PTPRD: variants seen among roughly 807,000 people sequenced by gnomAD.
The protein encoded by PTPRD is receptor-type tyrosine-protein phosphatase delta.
In PTPRD, 34 loss-of-function variants were observed where a neutral mutation model predicts 214.5. The observed-to-expected ratio is 0.16, with a 90% CI of 0.12 to 0.21. The LOEUF is 0.21. Among genes scored for constraint, PTPRD ranks in the 10% least tolerant of loss-of-function variants. PTPRD has a pLI of 1.00. For synonymous variants in PTPRD, 1,128 were observed against 845.7 expected, an observed-to-expected ratio of 1.33 and a Z score of -5.79; for missense variants, 2,545 against 2,398.7, an observed-to-expected ratio of 1.06 and a Z score of -1.27.
intron 12 of PTPRD, among the ~76,000 whole-genome samples, chr9:8,698,772 T>C (rs757882383): frequency 3.9e-5 from 6 of 152,174 alleles, no homozygotes; most frequent in Non-Finnish European, 8.8e-5. Flanking sequence ...ACTAGATAGC[T>C]TGTTACCAAT....
At chr9:10,067,425 T>C (rs192468743) in intron 3 of PTPRD, among the ~76,000 whole-genome samples, 1 of 151,916 alleles carries the variant, frequency 6.6e-6, no homozygotes. Flanking sequence ...TCCAATGTTA[T>C]ACATCTTTCA....
At chr9:8,762,789 T>C (rs1256067307) in intron 11 of PTPRD, among the ~76,000 whole-genome samples, 1 of 152,190 alleles carries the variant, frequency 6.6e-6, no homozygotes, top group Non-Finnish European at 1.5e-5. Flanking sequence ...ATTTTTATGA[T>C]ACTCAGAGAT....
chr9:10,432,330 A>G (rs372337355), intron 2 of PTPRD, among the ~76,000 whole-genome samples: 5 of 150,538 alleles, frequency 3.3e-5, no homozygotes, highest in African/African-American at 1.2e-4. Flanking sequence ...AGATATACCT[A>G]ATGCTAGATG....
At chr9:10,586,568 TAGTA>T (rs1475742263) in intron 2 of PTPRD, among the ~76,000 whole-genome samples, 1 of 152,220 alleles carries the variant, frequency 6.6e-6, no homozygotes, top group East Asian at 1.9e-4. Flanking sequence ...ATGACAACGA[TAGTA>T]AGAATCTAAA....
chr9:9,614,746 A>T (rs2094749190), intron 7 of PTPRD, among the ~76,000 whole-genome samples: 1 of 152,154 alleles, frequency 6.6e-6, no homozygotes, highest in African/African-American at 2.4e-5. Flanking sequence ...ATATATGCCA[A>T]TTTTTCATAT....
intron 2 of PTPRD, among the ~76,000 whole-genome samples, chr9:10,389,344 T>G (rs1176607284): frequency 6.6e-6 from 1 of 151,848 alleles, no homozygotes; most frequent in Non-Finnish European, 1.5e-5. Flanking sequence ...TTTTGGAAAT[T>G]AGATGATTTC....
At chr9:10,315,805 G>T (rs2096406284) in intron 3 of PTPRD, among the ~76,000 whole-genome samples, 1 of 151,924 alleles carries the variant, frequency 6.6e-6, no homozygotes, top group Non-Finnish European at 1.5e-5. Context: ...TTGCACTCAA[G>T]CTGGTTGATC....
At chr9:10,309,908 G>A (rs1402755974) in intron 3 of PTPRD, among the ~76,000 whole-genome samples, 1 of 151,916 alleles carries the variant, frequency 6.6e-6, no homozygotes, top group Non-Finnish European at 1.5e-5. Flanking sequence ...TTATCACTTG[G>A]TATCACTGAT....
At chr9:10,363,923 T>A (rs2097447820) in intron 2 of PTPRD, among the ~76,000 whole-genome samples, 1 of 151,434 alleles carries the variant, frequency 6.6e-6, no homozygotes, top group African/African-American at 2.4e-5. Flanking sequence ...ATTATAGGAA[T>A]TTTTTTTGCT....
intron 11 of PTPRD, among the ~76,000 whole-genome samples, chr9:8,892,569 G>GTA (rs1018832664): frequency 3.4e-5 from 5 of 148,700 alleles, no homozygotes; most frequent in Admixed American, 1.4e-4. Context: ...ATATATGTGT[G>GTA]TATATATATG....
intron 4 of PTPRD, among the ~76,000 whole-genome samples, chr9:9,973,744 G>T (rs965046985): frequency 2.6e-5 from 4 of 152,034 alleles, no homozygotes; most frequent in African/African-American, 9.7e-5. Flanking sequence ...ATATTGGTGT[G>T]AAAACATGTT....
intron 30 of PTPRD, among the ~76,000 whole-genome samples, chr9:8,476,459 T>C (rs13286274): frequency 0.099 from 15,077 of 152,036 alleles, 925 homozygotes; most frequent in South Asian, 0.17. Flanking sequence ...TCTCTGACAG[T>C]CCATTCTGTC....
chr9:8,848,406 G>A (rs72704327), intron 11 of PTPRD, among the ~76,000 whole-genome samples: 17,739 of 147,154 alleles, frequency 0.12, 1,453 homozygotes, highest in Middle Eastern at 0.2. Context: ...CACGATCCCA[G>A]CTCACTGCAG....
At chr9:10,525,750 G>GTGTC (rs1433183847) in intron 2 of PTPRD, among the ~76,000 whole-genome samples, 2 of 151,788 alleles carry the variant, frequency 1.3e-5, no homozygotes, top group Non-Finnish European at 1.5e-5. Context: ...GTGTGTGTGT[G>GTGTC]TGTGTGTATT....
At chr9:9,930,439 A>G (rs1479073366) in intron 5 of PTPRD, among the ~76,000 whole-genome samples, 2 of 152,214 alleles carry the variant, frequency 1.3e-5, no homozygotes, top group Non-Finnish European at 2.9e-5. Context: ...TTTTAAAATG[A>G]CATTTTCACA....
In PTPRD at chr9:9,194,310, A is replaced by G. The variant is rs546428904; in HGVS notation, c.-202-10947T>C. 3.9e-5 allele frequency among the ~76,000 whole-genome samples: 6 copies of G among 152,320 alleles called. No homozygotes were observed. In the East Asian group the frequency reaches 7.7e-4, roughly 20 times the overall value. ...TTTTGTTTATAGGTGGAAAGAGTAC[A>G]CTCTAAAGTAATAATTAAAAGTATA... On this transcript the variant is annotated intron_variant, in intron 9 of 45. Coordinates refer to ENST00000381196, the MANE Select transcript of PTPRD (RefSeq NM_002839.4).
intron 4 of PTPRD, among the ~76,000 whole-genome samples, chr9:9,939,026 T>A (rs201086361): frequency 6.9e-6 from 1 of 145,778 alleles, no homozygotes; most frequent in Admixed American, 6.9e-5. Flanking sequence ...TTTTTTTTTT[T>A]AACCATGAAA....
At chr9:8,483,975 G>C in intron 30 of PTPRD, 144 bp downstream of exon 30, 1 of 1,047,054 alleles carries the variant, frequency 9.6e-7, no homozygotes. Flanking sequence ...AAAAGAACTC[G>C]GATAGCAAAA....
intron 2 of PTPRD, among the ~76,000 whole-genome samples, chr9:10,355,148 T>C (rs2097253422): frequency 6.6e-6 from 1 of 152,172 alleles, no homozygotes; most frequent in South Asian, 2.1e-4. Context: ...TCTACAAAAT[T>C]TTGACATTTA....
Sources: allele counts gnomAD v4.1 joint callset (sites outside exome capture counted in the v4.1 genomes callset), GRCh38; gene constraint gnomAD v4.1.1; transcripts MANE v1.5; gene names NCBI Gene and HGNC (gene_info 2026-07-23, HGNC 2026-07-21).